Variants in SGSM3 observed in about 807,000 individuals in gnomAD.
SGSM3 encodes the protein RUN and SH3 containing 3.
A neutral mutation model predicts 100.5 loss-of-function variants in SGSM3; 96 were observed. That is an observed-to-expected ratio of 0.96 (90% CI 0.81 to 1.13). The LOEUF (loss-of-function observed/expected upper bound fraction) is 1.13, where lower values mean the gene tolerates loss of function less well. Among genes scored for constraint, SGSM3 ranks in the 50% most tolerant of loss-of-function variants. The pLI is 0.00. For synonymous variants in SGSM3, 483 were observed against 422.8 expected (o/e 1.14, Z -1.75); for missense variants, 1,001 against 1,015.8 (o/e 0.99, Z 0.20).
chr22:40,396,202 T>G (rs1252366331), intron 1 of SGSM3, among the ~76,000 whole-genome samples: 1 of 152,228 alleles, frequency 6.6e-6, no homozygotes, highest in Non-Finnish European at 1.5e-5. Flanking sequence ...TTTGTGCTTC[T>G]CTATCTAGGT....
chr22:40,371,942 G>C (rs982682195), intron 1 of SGSM3, among the ~76,000 whole-genome samples: 1 of 151,936 alleles, frequency 6.6e-6, no homozygotes, highest in African/African-American at 2.4e-5. Context: ...CAGGTGATCC[G>C]CCCGTCTCGG....
chr22:40,410,019 C>G lies in SGSM3; in HGVS notation c.*260C>G. On this transcript the variant is annotated 3_prime_UTR_variant, in exon 22 of 22. Transcript: ENST00000248929. ...TTGTGAGGAGGTGGGGGAGCCATGT[C>G]TGTGCTCAGGAAGAGGGAAGGGGAT... The G allele has an allele frequency of 7.5e-7, 1 of 1,328,884 alleles. No individual in the cohort carries two copies. The highest frequency in any genetic ancestry group is 9.6e-7 in the Non-Finnish European group (1 of 1,044,916). 82.3% of individuals were successfully genotyped at this position (1,328,884 alleles called of 1,614,324 possible). A position where few individuals can be genotyped will look rare whatever the true frequency, so the allele number is the denominator to read the frequency against.
chr22:40,404,758 T>C (rs1450445781), intron 6 of SGSM3, 94 bp downstream of exon 6: 1 of 877,170 alleles, frequency 1.1e-6, no homozygotes, highest in Non-Finnish European at 1.8e-6. Flanking sequence ...TGTGCCCTTG[T>C]TGTGGGGTAG....
Position 40,409,461 on chromosome 22 carries a change from CTA to C in SGSM3, c.2112-3_2112-2del. 6.3e-7 allele frequency: 1 copy of C among 1,579,308 alleles called. No individual in the cohort carries two copies. The highest frequency in any genetic ancestry group is 8.6e-7 in the Non-Finnish European group (1 of 1,162,408). ...GAGCCTTACCACCCCTTCCTCACCT[CTA>C]GAGTCCTCTGCTGCTTTGCCTTCAG... On this transcript the variant is annotated splice_acceptor_variant and splice_polypyrimidine_tract_variant and intron_variant, in intron 20 of 21. Transcript: ENST00000248929. LOFTEE classifies it high-confidence loss of function.
chr22:40,407,488 C>G lies in SGSM3; in HGVS notation c.1444C>G (p.Arg482Gly). 6.2e-7 allele frequency: 1 copy of G among 1,611,212 alleles called. No homozygotes were observed. The highest frequency in any genetic ancestry group is 8.5e-7 in the Non-Finnish European group (1 of 1,179,984). The change falls in exon 13 of 22, where the codon CGG (arginine) becomes GGG (glycine). Residue 482 changes from arginine to glycine, a missense_variant. Coordinates refer to ENST00000248929, the MANE Select transcript of SGSM3 (RefSeq NM_015705.6). The surrounding 1 kb of genome is among the most constrained non-coding windows in gnomAD (Gnocchi z 4.7). The part of the protein sequence containing the change: ...ENYVACSRSH[R>G]RRAKALLDFE... ...CTACGTGGCGTGCTCACGCAGCCAC[C>G]GGCGCCGAGCCAAGGCCCTGCTGGA... is the stretch of plus-strand genomic sequence containing the variant.
At chr22:40,384,239 T>C (rs1220087682) in intron 1 of SGSM3, among the ~76,000 whole-genome samples, 1 of 151,586 alleles carries the variant, frequency 6.6e-6, no homozygotes. Flanking sequence ...CAAAACCCTG[T>C]CTCTAACAAC....
At position 40,407,848 on chromosome 22, in the gene SGSM3, G is replaced by A; in HGVS notation, c.1579+5G>A. 1 of 1,610,106 alleles carries A rather than the reference G, an allele frequency of 6.2e-7. No individual in the cohort carries two copies. The highest frequency in any genetic ancestry group is 8.5e-7 in the Non-Finnish European group (1 of 1,178,032). On this transcript the variant is annotated splice_donor_5th_base_variant and intron_variant, in intron 14 of 21. Transcript: ENST00000248929. This position sits in a 1 kb window ranked among gnomAD's most constrained non-coding sequence, Gnocchi z 4.7. ...GGGAGCTCAACGGCCTGCGAGGTGGGGTCCTTGGTCTGCTCTTGAGCTGGG... is the reference window on the plus strand; with the variant it reads ...GGGAGCTCAACGGCCTGCGAGGTGGAGTCCTTGGTCTGCTCTTGAGCTGGG...
chr22:40,380,001 G>A (rs1272606380), intron 1 of SGSM3, among the ~76,000 whole-genome samples: 4 of 152,216 alleles, frequency 2.6e-5, no homozygotes, highest in South Asian at 2.1e-4. Flanking sequence ...GTGAGCCATC[G>A]TGCTCGGCCT....
At position 40,409,528 on chromosome 22, in the gene SGSM3, G is replaced by T; in HGVS notation, c.2172+3G>T. 1 of 1,603,522 alleles carries T rather than the reference G, an allele frequency of 6.2e-7. No individual in the cohort carries two copies. Among genetic ancestry groups the T allele is most frequent in the South Asian group, 1.1e-5 (1 of 90,066 alleles). On this transcript the variant is annotated splice_donor_region_variant and intron_variant, in intron 21 of 21. Transcript: ENST00000248929. ...GGGAGCTCCCTGCGAAGAGAGAGGT[G>T]GGTGGTGTGGGCCTCGTAGGGCCTG...
At chr22:40,405,982 C>G (rs9607716) in intron 8 of SGSM3, 96 bp from the exon 9 acceptor site, 3 of 1,520,780 alleles carry the variant, frequency 2.0e-6, no homozygotes, top group Non-Finnish European at 2.7e-6. Flanking sequence ...GCCCCCTCCC[C>G]TCCTTTGCTC....
Position 40,406,193 on chromosome 22 carries a change from C to A in SGSM3, c.930C>A (p.Phe310Leu), listed in dbSNP as rs1289556807. ...TCTACGAGGGCTCCCGGGTGCTGTTCCAGCTCACGCTGGGCATGCTGCACC... is the reference window on the plus strand; with the variant it reads ...TCTACGAGGGCTCCCGGGTGCTGTTACAGCTCACGCTGGGCATGCTGCACC... The part of the protein sequence containing the change: ...LFFYEGSRVL[F>L]QLTLGMLHLK... Residue 310 changes from phenylalanine (F) to leucine (L), a missense_variant, in exon 9 of 22, where the codon TTC becomes TTA. Physicochemically the swap from Phe to Leu is conservative, Grantham distance 22 (BLOSUM62 0). Coordinates refer to ENST00000248929, the MANE Select transcript of SGSM3 (RefSeq NM_015705.6). 6.2e-7 allele frequency: 1 copy of A among 1,614,074 alleles called. No homozygotes were observed. The highest frequency in any genetic ancestry group is 1.1e-5 in the South Asian group (1 of 91,090).
chr22:40,382,212 A>C (rs984932817), intron 1 of SGSM3, among the ~76,000 whole-genome samples: 9 of 152,202 alleles, frequency 5.9e-5, no homozygotes, highest in African/African-American at 1.9e-4. Flanking sequence ...AAATGGCATT[A>C]TGTTAACAGC....
rs938462965 is a variant in SGSM3 at position 40,408,697 on chromosome 22, G to A, written c.1853G>A (p.Arg618Lys). The part of the protein sequence containing the change: ...YSRLVLCKTF[R>K]LDEDGKVLTP... ...CGTCTGGTGCTCTGTAAGACCTTCA[G>A]GTAACTCGGCCCGGGTTCTTCTGGT... Residue 618 changes from arginine (R) to lysine (K), a missense_variant and splice_region_variant, in exon 17 of 22, where the codon AGG (arginine) becomes AAG (lysine). By Grantham distance (26) the Arg-to-Lys change is conservative. Transcript: ENST00000248929. The A allele has an allele frequency of 1.2e-6, 2 of 1,613,922 alleles. No homozygotes were observed. The highest frequency in any genetic ancestry group is 1.7e-6 in the Non-Finnish European group (2 of 1,180,028).
intron 1 of SGSM3, among the ~76,000 whole-genome samples, chr22:40,388,779 A>C (rs1224807008): frequency 1.3e-5 from 2 of 152,122 alleles, no homozygotes; most frequent in African/African-American, 4.8e-5. Flanking sequence ...AAACTTTAGG[A>C]AAGGCCGAAT....
intron 1 of SGSM3, among the ~76,000 whole-genome samples, chr22:40,372,402 G>A (rs1458759077): frequency 6.6e-6 from 1 of 152,136 alleles, no homozygotes; most frequent in Admixed American, 6.5e-5. Flanking sequence ...TGGGATTACA[G>A]GCGTGAGCCA....
intron 1 of SGSM3, among the ~76,000 whole-genome samples, chr22:40,385,978 G>A (rs748056113): frequency 1.1e-4 from 16 of 151,834 alleles, no homozygotes; most frequent in Non-Finnish European, 1.8e-4. Context: ...CAACTTCCCA[G>A]GTAGCTGGGA....
intron 10 of SGSM3, 139 bp from the exon 11 acceptor site, chr22:40,406,878 G>A (rs1256220965): frequency 1.8e-5 from 18 of 997,726 alleles, no homozygotes; most frequent in Non-Finnish European, 2.6e-5. Context: ...GAGGAAGGCA[G>A]ACCCAGCTCT....
intron 1 of SGSM3, among the ~76,000 whole-genome samples, chr22:40,398,553 C>A (rs1193804819): frequency 7.1e-6 from 1 of 141,552 alleles, no homozygotes; most frequent in East Asian, 2.1e-4. Flanking sequence ...AAACCCCTGC[C>A]TCTGGGGCCG....
At chr22:40,405,355 C>A in intron 7 of SGSM3, 71 bp downstream of exon 7, 1 of 1,367,394 alleles carries the variant, frequency 7.3e-7, no homozygotes. Flanking sequence ...GGAGTGGCCT[C>A]CCGCTACGGG....
Sources: allele counts gnomAD v4.1 joint callset (sites outside exome capture counted in the v4.1 genomes callset), GRCh38; gene constraint gnomAD v4.1.1; non-coding constraint Gnocchi (gnomAD v3.1); transcripts MANE v1.5; gene names NCBI Gene and HGNC (gene_info 2026-07-23, HGNC 2026-07-21).